The following CYLC1 variants were observed in gnomAD, a reference collection of about 807,000 sequenced individuals.
The protein encoded by CYLC1 is cylicin 1, also known as cylicin-1.
CYLC1 carries 2 observed loss-of-function variants against 31.6 expected under a neutral mutation model. That is an observed-to-expected ratio of 0.06 (90% CI 0.03 to 0.20). CYLC1 has a LOEUF of 0.20. CYLC1 is among the 10% of genes least tolerant of loss of function. The probability of loss-of-function intolerance (pLI) is 1.00; values close to 1 mark genes in which losing one functional copy is unlikely to be tolerated. For synonymous variants in CYLC1, 185 were observed against 153.0 expected (o/e 1.21, Z -1.54); for missense variants, 595 against 424.1 (o/e 1.40, Z -3.54).
chrX:83,869,873 TA>T lies in CYLC1; in HGVS notation c.29del (p.Asn10ThrfsTer26). The T allele has an allele frequency of 1.2e-6, 1 of 823,639 alleles. No individual in the cohort carries two copies. Among genetic ancestry groups the T allele is most frequent in the Non-Finnish European group, 1.6e-6 (1 of 622,227 alleles). The allele number at this position is 823,639 out of a possible 1,213,427, so 67.9% of individuals were successfully genotyped here. On this transcript the variant is annotated frameshift_variant, in exon 2 of 5. Transcript: ENST00000329312. LOFTEE classifies it high-confidence loss of function. Reference sequence around the variant, plus strand: ...TTTTCTTCTTTTAATAGGCTAAAAGTAAACATCAGAACATATGATAATTCCA... The same window carrying T: ...TTTTCTTCTTTTAATAGGCTAAAAGTAACATCAGAACATATGATAATTCCA... MSLPRLLK[V>X]NIRTYDNSIP... is the part of the protein sequence containing the mutation.
At chrX:83,863,893 G>A (rs1462705557) in intron 1 of CYLC1, among the ~76,000 whole-genome samples, 1 of 111,421 alleles carries the variant, frequency 9.0e-6, no homozygotes, top group Non-Finnish European at 1.9e-5. Flanking sequence ...GAGACTACGA[G>A]TCCAAGATCA....
intron 4 of CYLC1, among the ~76,000 whole-genome samples, chrX:83,877,354 T>A (rs1353706023): frequency 9.0e-6 from 1 of 111,391 alleles, no homozygotes; most frequent in Non-Finnish European, 1.9e-5. Context: ...GCTCAAGCAA[T>A]CTTCCAGCCT....
intron 4 of CYLC1, among the ~76,000 whole-genome samples, chrX:83,874,849 G>A (rs954975223): frequency 1.8e-5 from 2 of 110,677 alleles, no homozygotes; most frequent in Non-Finnish European, 3.8e-5. Context: ...TTGGACTAGA[G>A]AAGAGAGAAA....
In CYLC1 at chrX:83,873,430, A is replaced by G. The variant is rs2031704209; in HGVS notation, c.722A>G (p.Asn241Ser). ...CCCATATCAGAGATTTGCTCAGAAAATAGTTTAAATGTTGATTTCCTCATG... is the reference window on the plus strand; with the variant it reads ...CCCATATCAGAGATTTGCTCAGAAAGTAGTTTAAATGTTGATTTCCTCATG... ...NDPISEICSENSLNVDFLMLV... is the reference protein window; with the variant it reads ...NDPISEICSESSLNVDFLMLV... The change falls in exon 4 of 5, where the codon AAT becomes AGT. Residue 241 changes from asparagine (N) to serine (S), a missense_variant. Physicochemically the swap from Asn to Ser is conservative, Grantham distance 46 (BLOSUM62 1). Coordinates refer to ENST00000329312, the MANE Select transcript of CYLC1 (RefSeq NM_021118.3). 2 of 1,202,701 alleles carry G rather than the reference A, an allele frequency of 1.7e-6. No homozygotes were observed. The highest frequency in any genetic ancestry group is 1.8e-5 in the South Asian group (1 of 55,024).
At chrX:83,870,360 C>A (rs756168930) in intron 2 of CYLC1, among the ~76,000 whole-genome samples, 7 of 111,433 alleles carry the variant, frequency 6.3e-5, no homozygotes, top group Non-Finnish European at 1.1e-4. Context: ...CCCATTGGTT[C>A]TAGCCCACCC....
intron 3 of CYLC1, among the ~76,000 whole-genome samples, chrX:83,872,635 G>A (rs1326379743): frequency 9.3e-6 from 1 of 107,629 alleles, no homozygotes; most frequent in Non-Finnish European, 1.9e-5. Context: ...ATCTCAATAT[G>A]AATCATTAAT....
At chrX:83,861,344 A>G (rs1454550836) in intron 1 of CYLC1, 145 bp downstream of exon 1, 9 of 467,385 alleles carry the variant, frequency 1.9e-5, no homozygotes, top group Admixed American at 5.0e-5. Flanking sequence ...AAACAGAGAT[A>G]TGAAATTTTC....
At chrX:83,879,194 AC>A (rs747702050) in intron 4 of CYLC1, among the ~76,000 whole-genome samples, 7 of 110,663 alleles carry the variant, frequency 6.3e-5, no homozygotes, top group Non-Finnish European at 1.3e-4. Flanking sequence ...AACAACAGAA[AC>A]AATATAAAAT....
At chrX:83,876,963 T>C (rs895484153) in intron 4 of CYLC1, among the ~76,000 whole-genome samples, 9 of 111,067 alleles carry the variant, frequency 8.1e-5, no homozygotes, top group Non-Finnish European at 1.1e-4. Flanking sequence ...GACCTTCTAA[T>C]TGAGCTCCAA....
chrX:83,866,009 A>G (rs1041833038), intron 1 of CYLC1, among the ~76,000 whole-genome samples: 1 of 111,282 alleles, frequency 9.0e-6, no homozygotes, highest in Admixed American at 9.6e-5. Context: ...CTACAAAACT[A>G]TCACCTCATT....
At position 83,873,840 on chromosome X, in the gene CYLC1, A is replaced by C. The variant is rs1398442408; in HGVS notation, c.1132A>C (p.Lys378Gln). Residue 378 changes from lysine (K) to glutamine (Q), a missense_variant, in exon 4 of 5, where the codon AAG becomes CAG. Transcript: ENST00000329312. ...ESTDTESGDA[K>Q]DARNDSRNLK... is the part of the protein sequence containing the mutation. Reference sequence around the variant, plus strand: ...TACTGATACTGAATCAGGAGATGCAAAGGATGCAAGAAATGATTCAAGAAA... The same window carrying C: ...TACTGATACTGAATCAGGAGATGCACAGGATGCAAGAAATGATTCAAGAAA... 2 of 1,189,074 alleles carry C rather than the reference A, an allele frequency of 1.7e-6. No individual in the cohort carries two copies. The highest frequency in any genetic ancestry group is 2.3e-6 in the Non-Finnish European group (2 of 877,673).
rs1444870995 is a variant in CYLC1, at chrX:83,874,491, G to C, written c.1783G>C (p.Ala595Pro). 1 of 1,207,719 alleles carries C rather than the reference G, an allele frequency of 8.3e-7. No individual in the cohort carries two copies. Among genetic ancestry groups the C allele is most frequent in the Non-Finnish European group, 1.1e-6 (1 of 894,175 alleles). ...KTTFNEKGEKASTGRVPPSRE... is the reference protein window; with the variant it reads ...KTTFNEKGEKPSTGRVPPSRE... ...TACATTCAATGAAAAAGGGGAAAAA[G>C]CAAGTACAGGTAGAGTTCCTCCATC... The change falls in exon 4 of 5, where the codon GCA (alanine) becomes CCA (proline). Residue 595 changes from alanine to proline, a missense_variant. Coordinates refer to ENST00000329312, the MANE Select transcript of CYLC1 (RefSeq NM_021118.3).
chrX:83,873,707 TGATGCTGAA>T lies in CYLC1; in HGVS notation c.1000_1008del (p.Asp334_Glu336del), dbSNP rs1402352216. The T allele has an allele frequency of 4.2e-6, 5 of 1,191,122 alleles. No homozygotes were observed. In the East Asian group the frequency reaches 1.2e-4, roughly 28 times the overall value. On this transcript the variant is annotated inframe_deletion, in exon 4 of 5. Transcript: ENST00000329312. ...ATGTAAAGAAGGACACAGAGTCTACTGATGCTGAATCTGGAGACTCAAAGGATGAAAGGA... is the reference window on the plus strand; with the variant it reads ...ATGTAAAGAAGGACACAGAGTCTACTTCTGGAGACTCAAAGGATGAAAGGA...
chrX:83,881,395 C>A (rs2031904851), intron 4 of CYLC1, among the ~76,000 whole-genome samples: 1 of 110,068 alleles, frequency 9.1e-6, no homozygotes, highest in Admixed American at 9.9e-5. Context: ...GCTGTAATTT[C>A]AAATTGTATG....
intron 4 of CYLC1, among the ~76,000 whole-genome samples, chrX:83,883,164 C>G (rs1298545172): frequency 9.0e-6 from 1 of 111,295 alleles, no homozygotes; most frequent in Non-Finnish European, 1.9e-5. Context: ...CAAAGCTTGA[C>G]TTTCCCTCAA....
intron 1 of CYLC1, among the ~76,000 whole-genome samples, chrX:83,862,613 T>C (rs777869645): frequency 8.5e-4 from 96 of 112,521 alleles, no homozygotes; most frequent in Non-Finnish European, 1.5e-3. Context: ...CTCCCCAAAG[T>C]GAGCGTCTCA....
chrX:83,877,402 C>A (rs1252644704), intron 4 of CYLC1, among the ~76,000 whole-genome samples: 6 of 111,177 alleles, frequency 5.4e-5, no homozygotes, highest in East Asian at 2.8e-4. Context: ...GTGTAAGCCA[C>A]CATGTCTGGC....
At chrX:83,874,666 T>C (rs766592509) in intron 4 of CYLC1, 35 bp downstream of exon 4, 1 of 1,125,292 alleles carries the variant, frequency 8.9e-7, no homozygotes, top group East Asian at 3.0e-5. Flanking sequence ...TAGGCTGAAA[T>C]GGATATAAAA....
At chrX:83,872,354 C>CT (rs66797036) in intron 3 of CYLC1, among the ~76,000 whole-genome samples, 33,760 of 108,529 alleles carry the variant, frequency 0.31, 3,957 homozygotes, top group Middle Eastern at 0.42. Flanking sequence ...GCCTTTGTTT[C>CT]TTTTTTTTGT....
Sources: gnomAD v4.1 joint callset for allele counts (sites outside exome capture counted in the v4.1 genomes callset) on GRCh38, gnomAD v4.1.1 for gene constraint, MANE v1.5 for transcripts, NCBI Gene and HGNC (gene_info 2026-07-23, HGNC 2026-07-21) for gene names.